CHD2: variants seen among roughly 807,000 people sequenced by gnomAD.
CHD2 encodes the protein ATP-dependent chromatin remodeler CHD2.
A neutral mutation model predicts 243.9 loss-of-function variants in CHD2; 28 were observed. The ratio of observed to expected loss-of-function variants is 0.11; its 90% CI spans 0.09 to 0.16. The LOEUF is 0.16. Among genes scored for constraint, CHD2 ranks in the 10% least tolerant of loss-of-function variants. The pLI, the probability that CHD2 is intolerant of heterozygous loss-of-function variation, is 1.00. For missense variants in CHD2, 1,386 were observed against 2,209.8 expected, an observed-to-expected ratio of 0.63 and a Z score of 7.47; for synonymous variants, 775 against 779.0, an observed-to-expected ratio of 0.99 and a Z score of 0.09.
At chr15:92,995,740 A>G (rs564434089) in intron 28 of CHD2, among the ~76,000 whole-genome samples, 13 of 152,328 alleles carry the variant, frequency 8.5e-5, no homozygotes, top group East Asian at 5.8e-4. Context: ...ATACCATTTC[A>G]TATCTCTGCC....
intron 38 of CHD2, 86 bp downstream of exon 38, chr15:93,020,344 T>C: frequency 6.6e-7 from 1 of 1,505,748 alleles, no homozygotes; most frequent in Non-Finnish European, 9.2e-7. Flanking sequence ...TGAATGTATT[T>C]ATCTATCAAA....
At chr15:93,020,999 C>G (rs907254622) in intron 38 of CHD2, 3 of 152,342 alleles carry the variant, frequency 2.0e-5, no homozygotes, top group Non-Finnish European at 4.4e-5. Context: ...TCCCACCCTT[C>G]TCTATTGTCT....
rs958849739 is a variant in CHD2 at position 93,026,926 on chromosome 15, C to T, written c.*2221C>T. The T allele has an allele frequency of 9.2e-5, 14 of 152,780 alleles. No individual in the cohort carries two copies. The highest frequency in any genetic ancestry group is 3.4e-4 in the African/African-American group (14 of 41,578). 9.5% of individuals were successfully genotyped at this position (152,780 alleles called of 1,614,324 possible). A position where few individuals can be genotyped will look rare whatever the true frequency, so the allele number is the denominator to read the frequency against. On this transcript the variant is annotated 3_prime_UTR_variant, in exon 39 of 39. Coordinates refer to ENST00000394196, the MANE Select transcript of CHD2 (RefSeq NM_001271.4). ...AGGGTTTCCACAGTCATCAGGGCTT[C>T]TCTCTTGAGTTGCTGATAGGAGATG...
chr15:93,008,395 G>A (rs1326095762), intron 34 of CHD2, among the ~76,000 whole-genome samples: 1 of 152,184 alleles, frequency 6.6e-6, no homozygotes, highest in Non-Finnish European at 1.5e-5. Flanking sequence ...TTATGAATCT[G>A]GATATGTGTT....
chr15:92,980,135 C>T (rs2053959802), intron 22 of CHD2, among the ~76,000 whole-genome samples: 1 of 151,508 alleles, frequency 6.6e-6, no homozygotes, highest in Non-Finnish European at 1.5e-5. Context: ...ACCTCTGTCT[C>T]CTAGGTTGAA....
Position 92,919,166 on chromosome 15 carries a change from C to CT in CHD2, c.63-5142dup, listed in dbSNP as rs956891449. On this transcript the variant is annotated intron_variant, in intron 2 of 38. Transcript: ENST00000394196. ...CCACCATGCTCGGCCCATAATTACA[C>CT]TTTTTTTTTTTTTGAGACGGAGTCT... Among the ~76,000 whole-genome samples the CT allele has an allele frequency of 5.1e-3, 735 of 143,456 alleles. 2 individuals are homozygous for CT. Among genetic ancestry groups the CT allele is most frequent in the South Asian group, 0.016 (75 of 4,594 alleles). 94.1% of individuals were successfully genotyped at this position (143,456 alleles called of 152,430 possible).
intron 31 of CHD2, among the ~76,000 whole-genome samples, chr15:93,000,005 T>TAA (rs2054233510): frequency 6.6e-6 from 1 of 152,210 alleles, no homozygotes; most frequent in Admixed American, 6.5e-5. Flanking sequence ...ACACCTGTAA[T>TAA]CCCAGCACTT....
At position 92,924,312 on chromosome 15, in the gene CHD2, CAAAAT is replaced by C; in HGVS notation, c.63-6_63-2del. ...AATATTTTTAAATCTCTCTCTCTCT[CAAAAT>C]AAGTCACTCAGCCTCTGAAGAAGCT... On this transcript the variant is annotated splice_region_variant and splice_polypyrimidine_tract_variant and intron_variant, in intron 2 of 38. Transcript: ENST00000394196. 6.2e-7 allele frequency: 1 copy of C among 1,610,542 alleles called. No homozygotes were observed. Among genetic ancestry groups the C allele is most frequent in the Non-Finnish European group, 8.5e-7 (1 of 1,177,542 alleles).
At chr15:92,901,446 G>C in intron 2 of CHD2, 147 bp downstream of exon 2, 1 of 635,834 alleles carries the variant, frequency 1.6e-6, no homozygotes, top group South Asian at 1.9e-5. Flanking sequence ...ATGACCTTGA[G>C]ATTGCTAATA....
In CHD2 at chr15:92,900,672, T is replaced by C. The variant is rs988043678; in HGVS notation, c.-224T>C. The C allele has an allele frequency of 2.5e-6, 1 of 398,476 alleles. No individual in the cohort carries two copies. Among genetic ancestry groups the C allele is most frequent in the Non-Finnish European group, 4.4e-6 (1 of 226,112 alleles). The allele number at this position is 398,476 out of a possible 1,614,324, so 24.7% of individuals were successfully genotyped here. A position where few individuals can be genotyped will look rare whatever the true frequency, so the allele number is the denominator to read the frequency against. On this transcript the variant is annotated 5_prime_UTR_variant, in exon 1 of 39. Transcript: ENST00000394196. Reference sequence around the variant, plus strand: ...GACCTGTTTTAGTATTAATTATTGCTTTATTTTTTTGACCAGTTAACATAT... The same window carrying C: ...GACCTGTTTTAGTATTAATTATTGCCTTATTTTTTTGACCAGTTAACATAT...
chr15:93,009,247 C>G lies in CHD2; in HGVS notation c.4516C>G (p.Leu1506Val). ...QEQLEHTRNCLLKIGDRIAEC... is the reference protein window; with the variant it reads ...QEQLEHTRNCVLKIGDRIAEC... ...ACAGCTGGAACACACCCGGAACTGC[C>G]TGCTGAAAATCGGAGACCGGATAGC... is the stretch of plus-strand genomic sequence containing the variant. Residue 1506 changes from leucine to valine, a missense_variant, in exon 35 of 39, where the codon CTG (leucine) becomes GTG (valine). Transcript: ENST00000394196. 1 of 1,614,226 alleles carries G rather than the reference C, an allele frequency of 6.2e-7. No homozygotes were observed.
chr15:93,014,723 G>A lies in CHD2; in HGVS notation c.4720G>A (p.Gly1574Arg), dbSNP rs375612058. The change falls in exon 37 of 39, where the codon GGG becomes AGG. Residue 1574 changes from glycine (G) to arginine (R), a missense_variant. By Grantham distance (125) the Gly-to-Arg change is moderately radical. Around this residue, in one of 19 missense-constraint regions of CHD2, gnomAD observed 347 missense variants for 341.6 expected, o/e 1.02. Transcript: ENST00000394196. ...GCAAAAGAAGAAAGACGACGTGACT[G>A]GGGGTAAGAAACCATTTCGTCCAGA... ...EEQKKKDDVTGGKKPFRPEAS... is the reference protein window; with the variant it reads ...EEQKKKDDVTRGKKPFRPEAS... 1 of 1,614,146 alleles carries A rather than the reference G, an allele frequency of 6.2e-7. No individual in the cohort carries two copies. Among genetic ancestry groups the A allele is most frequent in the Non-Finnish European group, 8.5e-7 (1 of 1,180,008 alleles).
At chr15:92,975,680 T>A (rs1030649835) in intron 20 of CHD2, among the ~76,000 whole-genome samples, 5 of 151,766 alleles carry the variant, frequency 3.3e-5, no homozygotes, top group Admixed American at 1.3e-4. Context: ...TTTTTTTTTT[T>A]AAACAGATAG....
chr15:93,011,848 T>C (rs2054397984), intron 35 of CHD2, among the ~76,000 whole-genome samples: 1 of 152,126 alleles, frequency 6.6e-6, no homozygotes. Context: ...AACACAGAGA[T>C]GACCAACTGA....
chr15:92,977,049 A>T (rs886840232), intron 20 of CHD2, among the ~76,000 whole-genome samples: 6 of 152,134 alleles, frequency 3.9e-5, no homozygotes, highest in Non-Finnish European at 1.5e-5. Context: ...ACATATTATA[A>T]TCCACGTTAT....
intron 4 of CHD2, 138 bp from the exon 5 acceptor site, chr15:92,928,892 G>A (rs1371537058): frequency 9.3e-6 from 6 of 642,650 alleles, no homozygotes; most frequent in Non-Finnish European, 1.5e-5. Context: ...CACCAAGCAA[G>A]TGCTTAGGTT....
Position 93,009,286 on chromosome 15 carries a change from G to C in CHD2, c.4555G>C (p.Ala1519Pro), listed in dbSNP as rs1183987736. ...AGACCGGATAGCCGAGTGCCTTAAA[G>C]CCTACTCAGATCAGGAGCACATCAA... The part of the protein sequence containing the change: ...IGDRIAECLK[A>P]YSDQEHIKLW... The change falls in exon 35 of 39, where the codon GCC (alanine) becomes CCC (proline). Residue 1519 changes from alanine (A) to proline (P), a missense_variant. By Grantham distance (27) the Ala-to-Pro change is conservative. Coordinates refer to ENST00000394196, the MANE Select transcript of CHD2 (RefSeq NM_001271.4). The C allele has an allele frequency of 6.2e-7, 1 of 1,614,190 alleles. No homozygotes were observed. The highest frequency in any genetic ancestry group is 1.7e-5 in the Admixed American group (1 of 60,016).
In CHD2 at chr15:92,972,144, G is replaced by A. The variant is rs2053849729; in HGVS notation, c.2353-121G>A. On this transcript the variant is annotated intron_variant, in intron 18 of 38. Transcript: ENST00000394196. ...GAACATTTCGGGAATTGCTGGTCAAGCAGGTTGCTAAGGGCTTCAGAAAGC... is the reference window on the plus strand; with the variant it reads ...GAACATTTCGGGAATTGCTGGTCAAACAGGTTGCTAAGGGCTTCAGAAAGC... 7 of 1,123,902 alleles carry A rather than the reference G, an allele frequency of 6.2e-6. No individual in the cohort carries two copies. In the South Asian group the frequency reaches 1.0e-4, roughly 17 times the overall value. The allele number at this position is 1,123,902 out of a possible 1,614,324, so 69.6% of individuals were successfully genotyped here. A position where few individuals can be genotyped will look rare whatever the true frequency, so the allele number is the denominator to read the frequency against.
intron 33 of CHD2, among the ~76,000 whole-genome samples, chr15:93,002,681 A>G (rs2054272716): frequency 6.6e-6 from 1 of 152,236 alleles, no homozygotes; most frequent in South Asian, 2.1e-4. Flanking sequence ...GAATACTTGA[A>G]GAGTTTGAGT....
Sources: allele counts gnomAD v4.1 joint callset (sites outside exome capture counted in the v4.1 genomes callset), GRCh38; gene constraint gnomAD v4.1.1; regional missense constraint gnomAD v4.1.1; transcripts MANE v1.5; gene names NCBI Gene and HGNC (gene_info 2026-07-23, HGNC 2026-07-21).